Variants in VAPA observed in about 807,000 individuals in gnomAD.
VAPA encodes VAMP associated protein A, also known as vesicle-associated membrane protein-associated protein A.
VAPA carries 6 observed loss-of-function variants against 25.6 expected under a neutral mutation model. The ratio of observed to expected loss-of-function variants is 0.23; its 90% confidence interval spans 0.13 to 0.46. VAPA has a LOEUF of 0.46. Ranked by LOEUF, VAPA falls within the 20% of genes least tolerant of loss-of-function variation. The pLI, the probability that VAPA is intolerant of heterozygous loss-of-function variation, is 0.99. For missense variants in VAPA, 244 were observed against 302.1 expected, an observed-to-expected ratio of 0.81 and a Z score of 1.43; for synonymous variants, 112 against 106.2, an observed-to-expected ratio of 1.05 and a Z score of -0.34.
At chr18:9,918,086 CT>C (rs2069127199) in intron 1 of VAPA, among the ~76,000 whole-genome samples, 1 of 152,072 alleles carries the variant, frequency 6.6e-6, no homozygotes, top group Non-Finnish European at 1.5e-5. Flanking sequence ...CACATCCATA[CT>C]TTCTTCCCTG....
In VAPA at chr18:9,936,138, G is replaced by T; in HGVS notation, c.261G>T (p.Pro87=). 6.2e-7 allele frequency: 1 copy of T among 1,606,108 alleles called. No individual in the cohort carries two copies. The highest frequency in any genetic ancestry group is 8.5e-7 in the Non-Finnish European group (1 of 1,176,252). The stretch of plus-strand genomic sequence containing the variant: ...TGCTACAGCCCTTTGACTATGATCC[G>T]AATGAAAAGAGTAAACACAAGTTTA... ...SVMLQPFDYD[P]NEKSKHKFMV... is the part of the protein sequence containing the mutation. Residue 87 remains proline (P), a synonymous_variant, in exon 3 of 6, where the codon CCG becomes CCT. Coordinates refer to ENST00000400000, the MANE Select transcript of VAPA (RefSeq NM_194434.3).
At chr18:9,944,826 T>C in intron 4 of VAPA, 1 of 1,411,286 alleles carries the variant, frequency 7.1e-7, no homozygotes, top group South Asian at 1.4e-5. Flanking sequence ...TGTTAATGTT[T>C]AGAGCCTAAT....
rs758425066 is a variant in VAPA at position 9,955,729 on chromosome 18, G to T, written c.*1518G>T. 2.0e-5 allele frequency: 3 copies of T among 152,140 alleles called. No individual in the cohort carries two copies. The highest frequency in any genetic ancestry group is 7.2e-5 in the African/African-American group (3 of 41,414). The allele number at this position is 152,140 out of a possible 1,614,324, so 9.4% of individuals were successfully genotyped here. ...TTTCAACTGTGTTTTGAATTTGTCA[G>T]ATCACACATATATTGTGTTATTGGG... On this transcript the variant is annotated 3_prime_UTR_variant, in exon 6 of 6. Transcript: ENST00000400000.
chr18:9,954,891 T>C lies in VAPA; in HGVS notation c.*680T>C, dbSNP rs952060725. 1 of 152,632 alleles carries C rather than the reference T, an allele frequency of 6.6e-6. No homozygotes were observed. The highest frequency in any genetic ancestry group is 1.5e-5 in the Non-Finnish European group (1 of 68,032). 9.5% of individuals were successfully genotyped at this position (152,632 alleles called of 1,614,324 possible). A position where few individuals can be genotyped will look rare whatever the true frequency, so the allele number is the denominator to read the frequency against. ...TATATATGGTCACTTGAAATTATGA[T>C]GCAAAGGTTTCTCTTGCATTGAAAC... On this transcript the variant is annotated 3_prime_UTR_variant, in exon 6 of 6. Transcript: ENST00000400000.
chr18:9,943,522 C>T (rs2069386926), intron 4 of VAPA, among the ~76,000 whole-genome samples: 9 of 152,118 alleles, frequency 5.9e-5, no homozygotes, highest in Admixed American at 5.9e-4. Flanking sequence ...TACTGAAAGC[C>T]ATTGAGCCTG....
intron 1 of VAPA, among the ~76,000 whole-genome samples, chr18:9,927,750 T>C (rs967926811): frequency 3.9e-5 from 6 of 152,124 alleles, no homozygotes; most frequent in Non-Finnish European, 7.4e-5. Context: ...TTAAAACTTA[T>C]GTTCAGACTT....
At chr18:9,927,354 C>T (rs2069209238) in intron 1 of VAPA, among the ~76,000 whole-genome samples, 1 of 152,098 alleles carries the variant, frequency 6.6e-6, no homozygotes. Flanking sequence ...TTCCCCTCCT[C>T]CACAATTGAT....
At chr18:9,924,280 A>T (rs186155861) in intron 1 of VAPA, among the ~76,000 whole-genome samples, 1 of 152,308 alleles carries the variant, frequency 6.6e-6, no homozygotes, top group East Asian at 1.9e-4. Flanking sequence ...CTTAAACTTT[A>T]GATGTGGACC....
intron 1 of VAPA, among the ~76,000 whole-genome samples, chr18:9,922,003 C>T (rs746883367): frequency 2.6e-5 from 4 of 151,890 alleles, no homozygotes; most frequent in Non-Finnish European, 4.4e-5. Context: ...TTTTTTGCAG[C>T]GGTCTCACTC....
Position 9,914,394 on chromosome 18 carries a change from C to G in VAPA, c.79+59C>G. On this transcript the variant is annotated intron_variant, in intron 1 of 5. Coordinates refer to ENST00000400000, the MANE Select transcript of VAPA (RefSeq NM_194434.3). ...GGGCGCGCGGACCGCTGGCTGTCGG[C>G]GGGGGGGCGCGGAGGGCACGTCCGC... is the stretch of plus-strand genomic sequence containing the variant. The G allele has an allele frequency of 2.1e-6, 3 of 1,452,760 alleles. No homozygotes were observed. The South Asian group carries it at 3.9e-5, about 19-fold the overall frequency. 90.0% of individuals were successfully genotyped at this position (1,452,760 alleles called of 1,614,324 possible). A position where few individuals can be genotyped will look rare whatever the true frequency, so the allele number is the denominator to read the frequency against.
intron 1 of VAPA, among the ~76,000 whole-genome samples, chr18:9,931,015 A>T (rs572786302): frequency 6.6e-6 from 1 of 152,284 alleles, no homozygotes; most frequent in African/African-American, 2.4e-5. Flanking sequence ...CCAGCCTTCT[A>T]GCTTTTTTAA....
At chr18:9,941,602 G>GT (rs2069367037) in intron 4 of VAPA, among the ~76,000 whole-genome samples, 1 of 151,656 alleles carries the variant, frequency 6.6e-6, no homozygotes, top group African/African-American at 2.4e-5. Flanking sequence ...GATAAAACTG[G>GT]TTAAAAAAAA....
intron 1 of VAPA, among the ~76,000 whole-genome samples, chr18:9,927,290 C>G (rs1219012989): frequency 6.6e-6 from 1 of 152,026 alleles, no homozygotes; most frequent in Non-Finnish European, 1.5e-5. Context: ...ATATAATTAT[C>G]TCAACTTCTT....
At chr18:9,918,952 A>C (rs980326664) in intron 1 of VAPA, among the ~76,000 whole-genome samples, 2 of 152,166 alleles carry the variant, frequency 1.3e-5, no homozygotes, top group Non-Finnish European at 2.9e-5. Flanking sequence ...CCTGGAGTGC[A>C]GTGGCATGCA....
In VAPA at chr18:9,959,973, C is replaced by A. The variant is rs978462441; in HGVS notation, c.*5762C>A. 1.5e-5 allele frequency: 2 copies of A among 134,642 alleles called. No homozygotes were observed. Among genetic ancestry groups the A allele is most frequent in the Non-Finnish European group, 3.3e-5 (2 of 59,760 alleles). The allele number at this position is 134,642 out of a possible 1,614,324, so 8.3% of individuals were successfully genotyped here. A position where few individuals can be genotyped will look rare whatever the true frequency, so the allele number is the denominator to read the frequency against. On this transcript the variant is annotated 3_prime_UTR_variant, in exon 6 of 6. Transcript: ENST00000400000. ...TTGAATTAAATTTAAGGATATATTT[C>A]ACATGAAAACAAATACAAACGAGAA...
intron 1 of VAPA, among the ~76,000 whole-genome samples, chr18:9,921,408 CAATT>C (rs2069155803): frequency 6.6e-6 from 1 of 151,860 alleles, no homozygotes; most frequent in South Asian, 2.1e-4. Flanking sequence ...GAATATATGA[CAATT>C]GAGTACAAAA....
At chr18:9,922,961 T>G (rs1300764402) in intron 1 of VAPA, among the ~76,000 whole-genome samples, 2 of 152,250 alleles carry the variant, frequency 1.3e-5, no homozygotes, top group African/African-American at 2.4e-5. Context: ...CTTTAACATT[T>G]CACTTTATAA....
chr18:9,937,451 A>G (rs1165004058), intron 4 of VAPA, among the ~76,000 whole-genome samples: 1 of 152,144 alleles, frequency 6.6e-6, no homozygotes, highest in Non-Finnish European at 1.5e-5. Flanking sequence ...ATTCACTTAC[A>G]TGGACAGTTT....
intron 1 of VAPA, 48 bp from the exon 2 acceptor site, chr18:9,931,762 G>T: frequency 6.6e-7 from 1 of 1,521,042 alleles, no homozygotes; most frequent in South Asian, 1.2e-5. Context: ...CTTCGTTGTT[G>T]AGAATCCAAT....
Sources: gnomAD v4.1 joint callset for allele counts (sites outside exome capture counted in the v4.1 genomes callset) on GRCh38, gnomAD v4.1.1 for gene constraint, MANE v1.5 for transcripts, NCBI Gene and HGNC (gene_info 2026-07-23, HGNC 2026-07-21) for gene names.